Variants in MDGA2 observed in about 807,000 individuals in gnomAD.
MDGA2 encodes MAM domain containing glycosylphosphatidylinositol anchor 2, also known as MAM domain-containing glycosylphosphatidylinositol anchor protein 2.
MDGA2 carries 40 observed loss-of-function variants against 117.8 expected under a neutral mutation model. The observed-to-expected ratio is 0.34, with a 90% CI of 0.26 to 0.44. MDGA2 has a LOEUF of 0.44. Among genes scored for constraint, MDGA2 ranks in the 20% least tolerant of loss-of-function variants. The probability of loss-of-function intolerance (pLI) is 1.00; values close to 1 mark genes in which losing one functional copy is unlikely to be tolerated. For synonymous variants in MDGA2, 452 were observed against 439.0 expected (o/e 1.03, Z -0.37); for missense variants, 1,123 against 1,250.6 (o/e 0.90, Z 1.54).
intron 7 of MDGA2, among the ~76,000 whole-genome samples, chr14:47,055,272 C>A (rs1382844230): frequency 1.3e-5 from 2 of 152,062 alleles, no homozygotes; most frequent in Non-Finnish European, 2.9e-5. Flanking sequence ...TGCAGATTCA[C>A]CAACTGAATT....
intron 6 of MDGA2, among the ~76,000 whole-genome samples, chr14:47,083,539 CAG>C (rs1241630024): frequency 2.6e-5 from 4 of 151,790 alleles, no homozygotes; most frequent in Admixed American, 6.6e-5. Context: ...AAATAAGAAA[CAG>C]AGAATTGGAA....
intron 9 of MDGA2, among the ~76,000 whole-genome samples, chr14:46,948,342 A>C (rs1337029200): frequency 6.6e-6 from 1 of 151,950 alleles, no homozygotes; most frequent in Non-Finnish European, 1.5e-5. Flanking sequence ...TGTCTATGAG[A>C]GTAAGGATGA....
intron 1 of MDGA2, among the ~76,000 whole-genome samples, chr14:47,308,511 T>G (rs1425116267): frequency 1.6e-5 from 2 of 125,360 alleles, no homozygotes; most frequent in East Asian, 2.2e-4. Context: ...AGTTTTTTTT[T>G]TTTTTTTTTT....
intron 1 of MDGA2, among the ~76,000 whole-genome samples, chr14:47,591,713 C>T (rs376163592): frequency 2.3e-4 from 35 of 152,098 alleles, no homozygotes; most frequent in Admixed American, 2.2e-3. Context: ...TCAGAAAGAG[C>T]CTTCAATAAA....
At chr14:47,136,339 G>T (rs1882455770) in intron 4 of MDGA2, among the ~76,000 whole-genome samples, 1 of 151,748 alleles carries the variant, frequency 6.6e-6, no homozygotes, top group Admixed American at 6.6e-5. Context: ...TGGGATTATA[G>T]GTGCATGCCA....
chr14:47,021,096 T>C (rs1170398314), intron 8 of MDGA2, among the ~76,000 whole-genome samples: 1 of 152,060 alleles, frequency 6.6e-6, no homozygotes, highest in African/African-American at 2.4e-5. Context: ...AAAAATAAAA[T>C]AATTTAAGTC....
chr14:47,274,139 G>A (rs56383021), intron 2 of MDGA2, among the ~76,000 whole-genome samples: 42,046 of 151,754 alleles, frequency 0.28, 6,632 homozygotes, highest in Admixed American at 0.47. Flanking sequence ...ACGTGGTTGC[G>A]CAACCATCAC....
rs544036897 is a variant in MDGA2 at position 47,612,052 on chromosome 14, T to G, written c.280+62465A>C. 2.4e-4 allele frequency among the ~76,000 whole-genome samples: 36 copies of G among 152,292 alleles called. No individual in the cohort carries two copies. The South Asian group carries it at 7.0e-3, about 30-fold the overall frequency. ...TTTGGGACTCAAACAAAATGTTTAG[T>G]GGGAAGAAACTCCGGCTATCTTATC... is the stretch of plus-strand genomic sequence containing the variant. On this transcript the variant is annotated intron_variant, in intron 1 of 16. Transcript: ENST00000399232.
At chr14:47,187,272 C>CTT (rs1884945334) in intron 3 of MDGA2, among the ~76,000 whole-genome samples, 1 of 151,890 alleles carries the variant, frequency 6.6e-6, no homozygotes, top group Admixed American at 6.6e-5. Context: ...ATACAATAAG[C>CTT]ATAATCATAA....
chr14:47,552,518 T>G (rs188376982), intron 1 of MDGA2, among the ~76,000 whole-genome samples: 4 of 152,278 alleles, frequency 2.6e-5, no homozygotes, highest in Admixed American at 2.0e-4. Context: ...CAGCAAATCC[T>G]ATTTATTATA....
chr14:47,195,177 C>A (rs887524595), intron 3 of MDGA2, among the ~76,000 whole-genome samples: 1 of 151,884 alleles, frequency 6.6e-6, no homozygotes. Context: ...TTTTCATGTG[C>A]ACTTTACTTA....
chr14:46,970,166 C>G (rs984354858), intron 8 of MDGA2, among the ~76,000 whole-genome samples: 1 of 151,398 alleles, frequency 6.6e-6, no homozygotes, highest in Non-Finnish European at 1.5e-5. Flanking sequence ...ACAAAAATGT[C>G]AATATCATTT....
At chr14:47,505,587 T>G (rs1005361514) in intron 1 of MDGA2, among the ~76,000 whole-genome samples, 2 of 152,222 alleles carry the variant, frequency 1.3e-5, no homozygotes, top group African/African-American at 4.8e-5. Flanking sequence ...ATCAAGTTTT[T>G]AATAATCCAT....
intron 1 of MDGA2, among the ~76,000 whole-genome samples, chr14:47,488,223 T>C (rs1282000907): frequency 6.6e-6 from 1 of 152,168 alleles, no homozygotes; most frequent in Non-Finnish European, 1.5e-5. Flanking sequence ...ATGATGTACT[T>C]AGGCTAGAGA....
At chr14:46,930,424 A>T (rs1184272775) in intron 9 of MDGA2, among the ~76,000 whole-genome samples, 2 of 152,142 alleles carry the variant, frequency 1.3e-5, no homozygotes, top group African/African-American at 4.8e-5. Context: ...ATCAGTAAAA[A>T]AAACAAACTT....
rs957319993 is a variant in MDGA2, at chr14:47,069,261, C to T, written c.1196-7683G>A. 3.3e-5 allele frequency among the ~76,000 whole-genome samples: 5 copies of T among 152,158 alleles called. No individual in the cohort carries two copies. In the South Asian group the frequency reaches 1.0e-3, roughly 32 times the overall value. On this transcript the variant is annotated intron_variant, in intron 6 of 16. Transcript: ENST00000399232. ...AATTAATCCAATATTTTCTAGTTCC[C>T]ATTCATGTTTGTATTATTTACACTT...
rs373061148 is a variant in MDGA2, at chr14:47,590,101, G to A, written c.280+84416C>T. On this transcript the variant is annotated intron_variant, in intron 1 of 16. Coordinates refer to ENST00000399232, the MANE Select transcript of MDGA2 (RefSeq NM_001113498.3). ...GTGTGTGCGTGTGTGTATTCCTTAC[G>A]GTTTTCTATAAACAAAAGCATGTTG... Among the ~76,000 whole-genome samples the A allele has an allele frequency of 6.6e-5, 10 of 151,194 alleles. No individual in the cohort carries two copies. The East Asian group carries it at 1.2e-3, about 18-fold the overall frequency.
At chr14:46,870,599 G>A (rs952246989) in intron 14 of MDGA2, among the ~76,000 whole-genome samples, 17 of 151,838 alleles carry the variant, frequency 1.1e-4, no homozygotes, top group African/African-American at 4.1e-4. Context: ...CTTGCTGAGA[G>A]GAACTCAAGT....
intron 1 of MDGA2, among the ~76,000 whole-genome samples, chr14:47,527,641 A>G (rs2138725027): frequency 6.6e-6 from 1 of 152,272 alleles, no homozygotes; most frequent in East Asian, 1.9e-4. Context: ...GGAGCAAGAG[A>G]ACAGAGTTTC....
Sources: allele counts gnomAD v4.1 joint callset (sites outside exome capture counted in the v4.1 genomes callset), GRCh38; gene constraint gnomAD v4.1.1; transcripts MANE v1.5; gene names NCBI Gene and HGNC (gene_info 2026-07-23, HGNC 2026-07-21).